The following MGAT4C variants were observed in gnomAD, a reference collection of about 807,000 sequenced individuals.
The protein encoded by MGAT4C is MGAT4 family member C, also known as alpha-1,3-mannosyl-glycoprotein 4-beta-N-acetylglucosaminyltransferase C.
Under a neutral mutation model 40.1 loss-of-function variants are expected in MGAT4C, and 19 were observed. That is an observed-to-expected ratio of 0.47 (90% confidence interval 0.33 to 0.70). The LOEUF (loss-of-function observed/expected upper bound fraction) is 0.70, where lower values mean the gene tolerates loss of function less well. MGAT4C is among the 30% of genes least tolerant of loss of function. The pLI, the probability that MGAT4C is intolerant of heterozygous loss-of-function variation, is 0.02. For synonymous variants in MGAT4C, 181 were observed against 187.1 expected, an observed-to-expected ratio of 0.97 and a Z score of 0.27; for missense variants, 491 against 563.2, an observed-to-expected ratio of 0.87 and a Z score of 1.30.
At chr12:86,401,371 G>C (rs988680840) in intron 3 of MGAT4C, among the ~76,000 whole-genome samples, 27 of 151,526 alleles carry the variant, frequency 1.8e-4, no homozygotes, top group Admixed American at 2.6e-4. Context: ...GTTAATGGCA[G>C]AGTAAAAAGC....
chr12:86,106,367 C>T (rs1876174897), intron 1 of MGAT4C, among the ~76,000 whole-genome samples: 1 of 152,110 alleles, frequency 6.6e-6, no homozygotes, highest in Admixed American at 6.6e-5. Flanking sequence ...GTGGCACAAT[C>T]CCGGCTCACT....
chr12:86,660,325 T>C (rs1159990470), intron 2 of MGAT4C, among the ~76,000 whole-genome samples: 1 of 152,136 alleles, frequency 6.6e-6, no homozygotes, highest in Non-Finnish European at 1.5e-5. Flanking sequence ...CCTTGGAATG[T>C]GGAATTCAGA....
At chr12:86,376,446 GA>G (rs1464627760) in intron 3 of MGAT4C, among the ~76,000 whole-genome samples, 1 of 151,896 alleles carries the variant, frequency 6.6e-6, no homozygotes, top group Admixed American at 6.6e-5. Flanking sequence ...ATATATATAT[GA>G]AATACAATTT....
chr12:86,214,933 T>C (rs529839201), intron 1 of MGAT4C, among the ~76,000 whole-genome samples: 1 of 152,342 alleles, frequency 6.6e-6, no homozygotes, highest in East Asian at 1.9e-4. Context: ...TAAAGTTACA[T>C]TGCATCATAT....
At chr12:86,328,619 T>C (rs907152569) in intron 4 of MGAT4C, among the ~76,000 whole-genome samples, 3 of 152,132 alleles carry the variant, frequency 2.0e-5, no homozygotes, top group Non-Finnish European at 4.4e-5. Flanking sequence ...GTGAGATTCA[T>C]ATTATGAAGA....
chr12:86,295,302 ATAAAAG>A (rs1399096939), intron 4 of MGAT4C, among the ~76,000 whole-genome samples: 4 of 152,268 alleles, frequency 2.6e-5, no homozygotes, highest in African/African-American at 9.6e-5. Flanking sequence ...GCACTATTTG[ATAAAAG>A]TAATGTGCCT....
At chr12:86,385,279 A>T (rs895888105) in intron 3 of MGAT4C, among the ~76,000 whole-genome samples, 43 of 152,204 alleles carry the variant, frequency 2.8e-4, no homozygotes, top group Non-Finnish European at 5.1e-4. Flanking sequence ...ATATATGCAT[A>T]TCATTTCATC....
At chr12:86,649,767 T>TA (rs2136533347) in intron 2 of MGAT4C, among the ~76,000 whole-genome samples, 2 of 151,892 alleles carry the variant, frequency 1.3e-5, no homozygotes, top group East Asian at 3.9e-4. Context: ...CAAAATCCTG[T>TA]AAAATATCAA....
chr12:86,579,132 C>A (rs574293998), intron 2 of MGAT4C, among the ~76,000 whole-genome samples: 1 of 151,508 alleles, frequency 6.6e-6, no homozygotes, highest in Non-Finnish European at 1.5e-5. Flanking sequence ...GTTTATTGAT[C>A]GGAGAGTCTA....
intron 1 of MGAT4C, among the ~76,000 whole-genome samples, chr12:86,833,368 G>C (rs1046777043): frequency 2.6e-5 from 4 of 151,846 alleles, no homozygotes; most frequent in Non-Finnish European, 5.9e-5. Context: ...GTATTACTTT[G>C]CTAGGACGGC....
chr12:86,250,427 G>A (rs146455830), intron 1 of MGAT4C, among the ~76,000 whole-genome samples: 51 of 151,358 alleles, frequency 3.4e-4, no homozygotes, highest in African/African-American at 1.1e-3. Context: ...AATACAGAAC[G>A]TCATGAGTAA....
intron 2 of MGAT4C, among the ~76,000 whole-genome samples, chr12:86,626,389 G>A (rs1962804713): frequency 6.6e-6 from 1 of 152,090 alleles, no homozygotes; most frequent in Non-Finnish European, 1.5e-5. Flanking sequence ...TAACCGAGCG[G>A]ATGAAATAAA....
chr12:86,239,874 G>A (rs1951702755), intron 1 of MGAT4C, among the ~76,000 whole-genome samples: 1 of 135,998 alleles, frequency 7.4e-6, no homozygotes, highest in Admixed American at 7.6e-5. Flanking sequence ...TGGGGACTGT[G>A]GTGGGGTCGG....
chr12:86,721,097 T>C (rs1464012715), intron 2 of MGAT4C, among the ~76,000 whole-genome samples: 1 of 152,126 alleles, frequency 6.6e-6, no homozygotes, highest in Non-Finnish European at 1.5e-5. Context: ...TGTAGAATGG[T>C]TATTGACTCA....
chr12:86,624,532 G>A (rs116266959), intron 2 of MGAT4C, among the ~76,000 whole-genome samples: 30 of 152,252 alleles, frequency 2.0e-4, no homozygotes, highest in Middle Eastern at 3.4e-3. Flanking sequence ...AAGTGGAAAC[G>A]TCAATGGTCA....
intron 4 of MGAT4C, among the ~76,000 whole-genome samples, chr12:86,267,642 G>T (rs767898): frequency 0.085 from 12,932 of 152,018 alleles, 771 homozygotes; most frequent in Middle Eastern, 0.22. Flanking sequence ...ATAAAGGGGG[G>T]AATAAATAAA....
At chr12:86,520,625 T>C (rs998749827) in intron 2 of MGAT4C, among the ~76,000 whole-genome samples, 2 of 152,104 alleles carry the variant, frequency 1.3e-5, no homozygotes, top group Non-Finnish European at 2.9e-5. Context: ...GGTAGTTCTG[T>C]TTTTAGGTCT....
chr12:86,825,116 T>A (rs1593242175), intron 1 of MGAT4C, among the ~76,000 whole-genome samples: 1 of 151,364 alleles, frequency 6.6e-6, no homozygotes, highest in East Asian at 2.0e-4. Context: ...ATGTGAGGTT[T>A]CGGGTGAAGA....
chr12:86,213,718 G>C (rs1321440403), intron 1 of MGAT4C, among the ~76,000 whole-genome samples: 1 of 152,082 alleles, frequency 6.6e-6, no homozygotes, highest in African/African-American at 2.4e-5. Context: ...ACACATATTG[G>C]ACTGCATAGC....
Sources: gnomAD v4.1 joint callset for allele counts (sites outside exome capture counted in the v4.1 genomes callset) on GRCh38, gnomAD v4.1.1 for gene constraint, MANE v1.5 for transcripts, NCBI Gene and HGNC (gene_info 2026-07-23, HGNC 2026-07-21) for gene names.